The following EIF4E2 variants were observed in gnomAD, a reference collection of about 807,000 sequenced individuals.
EIF4E2 encodes eukaryotic translation initiation factor 4E type 2.
A neutral mutation model predicts 34.2 loss-of-function variants in EIF4E2; 13 were observed. The observed-to-expected ratio is 0.38, with a 90% CI of 0.25 to 0.60. EIF4E2 has a LOEUF of 0.60. Among genes scored for constraint, EIF4E2 ranks in the 20% least tolerant of loss-of-function variants. EIF4E2 has a pLI of 0.62. For missense variants in EIF4E2, 222 were observed against 315.1 expected, an observed-to-expected ratio of 0.70 and a Z score of 2.24; for synonymous variants, 100 against 106.6, an observed-to-expected ratio of 0.94 and a Z score of 0.38.
chr2:232,568,757 T>C, intron 6 of EIF4E2, 188 bp from the exon 7 acceptor site: 2 of 985,466 alleles, frequency 2.0e-6, no homozygotes, highest in Non-Finnish European at 2.4e-6. Context: ...CCTGTGGGCT[T>C]TTTGCCTTAG....
chr2:232,556,681 T>C, intron 2 of EIF4E2, 151 bp downstream of exon 2: 1 of 619,840 alleles, frequency 1.6e-6, no homozygotes. Flanking sequence ...TGTGCAATCA[T>C]TGATGTTCAT....
intron 1 of EIF4E2, among the ~76,000 whole-genome samples, chr2:232,556,070 A>G (rs1357709113): frequency 6.6e-6 from 1 of 152,240 alleles, no homozygotes; most frequent in Non-Finnish European, 1.5e-5. Context: ...TTCATTTGAA[A>G]TGCCATAGCA....
intron 2 of EIF4E2, among the ~76,000 whole-genome samples, chr2:232,557,255 CAA>C (rs1437022438): frequency 1.3e-5 from 2 of 152,104 alleles, no homozygotes; most frequent in Non-Finnish European, 2.9e-5. Flanking sequence ...AAAAAACAAA[CAA>C]AGAAATATCA....
chr2:232,579,120 A>G (rs1034817206), intron 6 of EIF4E2, among the ~76,000 whole-genome samples: 1 of 89,020 alleles, frequency 1.1e-5, no homozygotes, highest in African/African-American at 4.5e-5. Flanking sequence ...GAGAACTCAG[A>G]AATACACACA....
chr2:232,561,502 G>C (rs1278837979), intron 3 of EIF4E2, among the ~76,000 whole-genome samples: 5 of 152,114 alleles, frequency 3.3e-5, no homozygotes, highest in Non-Finnish European at 5.9e-5. Context: ...CTGTAGGTCT[G>C]GACCTGAAAA....
At chr2:232,578,702 G>C (rs957614968) in intron 6 of EIF4E2, among the ~76,000 whole-genome samples, 1 of 152,014 alleles carries the variant, frequency 6.6e-6, no homozygotes, top group East Asian at 1.9e-4. Context: ...TTTATTTCTG[G>C]CCCACCTAGT....
rs533636186 is a variant in EIF4E2 at position 232,566,517 on chromosome 2, G to A, written c.376-312G>A. On this transcript the variant is annotated intron_variant, in intron 4 of 6. Coordinates refer to ENST00000258416, the MANE Select transcript of EIF4E2 (RefSeq NM_004846.4). This position sits in a 1 kb window ranked among gnomAD's most constrained non-coding sequence, Gnocchi z 4.9. ...CATTCAGTACTTTTAGCAAGTAAAC[G>A]GATGATCTGTGCTTGAAATATGACA... is the stretch of plus-strand genomic sequence containing the variant. Among the ~76,000 whole-genome samples the A allele has an allele frequency of 7.9e-5, 12 of 152,332 alleles. No individual in the cohort carries two copies. Among genetic ancestry groups the A allele is most frequent in the Admixed American group, 4.6e-4 (7 of 15,302 alleles).
At position 232,566,343 on chromosome 2, in the gene EIF4E2, T is replaced by C. The variant is rs1692932724; in HGVS notation, c.376-486T>C. ...CTGGGACTACAGGCGCCCACCACCA[T>C]GCCCGGCTAATTTTGTTTTTGTATT... On this transcript the variant is annotated intron_variant, in intron 4 of 6. Transcript: ENST00000258416. This position sits in a 1 kb window ranked among gnomAD's most constrained non-coding sequence, Gnocchi z 4.9. Among the ~76,000 whole-genome samples, 1 of 152,056 alleles carries C rather than the reference T, an allele frequency of 6.6e-6. No individual in the cohort carries two copies. Among genetic ancestry groups the C allele is most frequent in the Non-Finnish European group, 1.5e-5 (1 of 67,998 alleles).
chr2:232,552,271 G>A (rs1394551920), intron 1 of EIF4E2, among the ~76,000 whole-genome samples: 1 of 152,062 alleles, frequency 6.6e-6, no homozygotes, highest in Non-Finnish European at 1.5e-5. Flanking sequence ...GAGTGCAGTG[G>A]TGTCATCACA....
At chr2:232,580,751 C>T (rs1434642635) in intron 6 of EIF4E2, among the ~76,000 whole-genome samples, 5 of 152,134 alleles carry the variant, frequency 3.3e-5, no homozygotes, top group African/African-American at 4.8e-5. Context: ...GGTGGGTTGC[C>T]GTTTTGGCAT....
At chr2:232,563,584 G>A (rs1692803422) in intron 3 of EIF4E2, among the ~76,000 whole-genome samples, 1 of 152,182 alleles carries the variant, frequency 6.6e-6, no homozygotes, top group Non-Finnish European at 1.5e-5. Context: ...GAGAAGCTAA[G>A]TCCTGTATGA....
At chr2:232,563,825 TA>T (rs1294356456) in intron 3 of EIF4E2, among the ~76,000 whole-genome samples, 1 of 152,234 alleles carries the variant, frequency 6.6e-6, no homozygotes, top group African/African-American at 2.4e-5. Flanking sequence ...GATTTGGTTC[TA>T]AAAAATGCAT....
At chr2:232,554,149 T>C (rs1336746970) in intron 1 of EIF4E2, among the ~76,000 whole-genome samples, 1 of 152,212 alleles carries the variant, frequency 6.6e-6, no homozygotes, top group Non-Finnish European at 1.5e-5. Context: ...AACATTTATA[T>C]GGGCAAGTTC....
chr2:232,567,222 T>C lies in EIF4E2; in HGVS notation c.665+8T>C. On this transcript the variant is annotated splice_region_variant and intron_variant, in intron 6 of 6. Coordinates refer to ENST00000258416, the MANE Select transcript of EIF4E2 (RefSeq NM_004846.4). ...TCACACCGACAGCATCAAGTACGTG[T>C]TGGGGGGTTATGGGAGGACGTGTCC... is the stretch of plus-strand genomic sequence containing the variant. 4 of 1,613,858 alleles carry C rather than the reference T, an allele frequency of 2.5e-6. No individual in the cohort carries two copies. Among genetic ancestry groups the C allele is most frequent in the Non-Finnish European group, 3.4e-6 (4 of 1,179,924 alleles).
intron 6 of EIF4E2, among the ~76,000 whole-genome samples, chr2:232,579,393 A>C (rs574637421): frequency 6.6e-6 from 1 of 152,352 alleles, no homozygotes; most frequent in South Asian, 2.1e-4. Flanking sequence ...CCACATGGTC[A>C]TGCATGCCAG....
intron 4 of EIF4E2, 103 bp downstream of exon 4, chr2:232,564,454 T>G (rs1692841940): frequency 1.7e-6 from 1 of 602,406 alleles, no homozygotes. Context: ...TTATTTTATT[T>G]TATTTTATTT....
Position 232,567,217 on chromosome 2 carries a change from A to T in EIF4E2, c.665+3A>T. The T allele has an allele frequency of 1.9e-6, 3 of 1,614,172 alleles. No individual in the cohort carries two copies. The highest frequency in any genetic ancestry group is 2.5e-6 in the Non-Finnish European group (3 of 1,180,016). On this transcript the variant is annotated splice_donor_region_variant and intron_variant, in intron 6 of 6. Coordinates refer to ENST00000258416, the MANE Select transcript of EIF4E2 (RefSeq NM_004846.4). The stretch of plus-strand genomic sequence containing the variant: ...AAAACTCACACCGACAGCATCAAGT[A>T]CGTGTTGGGGGGTTATGGGAGGACG...
At chr2:232,561,450 T>C (rs1437406307) in intron 3 of EIF4E2, among the ~76,000 whole-genome samples, 1 of 152,226 alleles carries the variant, frequency 6.6e-6, no homozygotes, top group Non-Finnish European at 1.5e-5. Flanking sequence ...TCATCCATGC[T>C]CACTGGATGT....
intron 1 of EIF4E2, among the ~76,000 whole-genome samples, chr2:232,554,704 T>G (rs1692463611): frequency 6.6e-6 from 1 of 152,290 alleles, no homozygotes; most frequent in East Asian, 1.9e-4. Context: ...AGCAACAAAA[T>G]GAAACTCCCC....
Sources: gnomAD v4.1 joint callset for allele counts (sites outside exome capture counted in the v4.1 genomes callset) on GRCh38, gnomAD v4.1.1 for gene constraint, Gnocchi (gnomAD v3.1) non-coding constraint, MANE v1.5 for transcripts, NCBI Gene and HGNC (gene_info 2026-07-23, HGNC 2026-07-21) for gene names.